GRAMD1B: variants seen among roughly 807,000 people sequenced by gnomAD.
GRAMD1B encodes the protein GRAM domain containing 1B, also known as protein Aster-B.
Under a neutral mutation model 99.7 loss-of-function variants are expected in GRAMD1B, and 37 were observed. That is an observed-to-expected ratio of 0.37 (90% CI 0.29 to 0.49). The LOEUF (loss-of-function observed/expected upper bound fraction) is 0.49, where lower values mean the gene tolerates loss of function less well. Among genes scored for constraint, GRAMD1B ranks in the 20% least tolerant of loss-of-function variants. The probability of loss-of-function intolerance (pLI) is 0.98; values close to 1 mark genes in which losing one functional copy is unlikely to be tolerated. For synonymous variants in GRAMD1B, 427 were observed against 387.6 expected (o/e 1.10, Z -1.19); for missense variants, 888 against 1,009.2 (o/e 0.88, Z 1.63).
chr11:123,411,321 G>T (rs147227484), intron 1 of GRAMD1B, among the ~76,000 whole-genome samples: 1 of 152,136 alleles, frequency 6.6e-6, no homozygotes, highest in East Asian at 1.9e-4. Context: ...TTCTTTAGTA[G>T]GTTATGTGTT....
chr11:123,445,387 A>G (rs747970451), intron 1 of GRAMD1B, among the ~76,000 whole-genome samples: 14 of 152,142 alleles, frequency 9.2e-5, no homozygotes, highest in Non-Finnish European at 1.9e-4. Flanking sequence ...TGGAATGGCA[A>G]CCGTAAAGGT....
upstream of GRAMD1B, among the ~76,000 whole-genome samples, chr11:123,425,484 ATTC>A (rs1948615927): frequency 6.6e-6 from 1 of 152,202 alleles, no homozygotes; most frequent in Non-Finnish European, 1.5e-5. Flanking sequence ...TGTGCAAAAC[ATTC>A]TTCTTTGACG....
intron 2 of GRAMD1B, among the ~76,000 whole-genome samples, chr11:123,490,960 G>A (rs906483808): frequency 1.3e-5 from 2 of 152,190 alleles, no homozygotes; most frequent in Non-Finnish European, 2.9e-5. Context: ...ATCAGTGAAG[G>A]TGGAATGAGA....
At chr11:123,556,749 A>G (rs774530649) in intron 2 of GRAMD1B, among the ~76,000 whole-genome samples, 3 of 152,218 alleles carry the variant, frequency 2.0e-5, no homozygotes, top group Non-Finnish European at 2.9e-5. Flanking sequence ...AAGTGTGGAG[A>G]TTGAGTCCGG....
At chr11:123,412,815 C>T (rs895722012) in intron 1 of GRAMD1B, among the ~76,000 whole-genome samples, 9 of 152,132 alleles carry the variant, frequency 5.9e-5, no homozygotes, top group South Asian at 4.1e-4. Flanking sequence ...GAGTTTTGCT[C>T]TTGTGGCCCA....
intron 1 of GRAMD1B, among the ~76,000 whole-genome samples, chr11:123,466,238 T>C (rs1950650070): frequency 6.7e-6 from 1 of 149,570 alleles, no homozygotes; most frequent in South Asian, 2.1e-4. Context: ...ATTACAGCAC[T>C]GCACTCCAGC....
intron 1 of GRAMD1B, among the ~76,000 whole-genome samples, chr11:123,409,291 A>G (rs958176810): frequency 1.3e-5 from 2 of 152,182 alleles, no homozygotes; most frequent in Non-Finnish European, 2.9e-5. Flanking sequence ...TTTCTCATCT[A>G]CAAAGTAGCA....
chr11:123,480,253 C>T (rs1038140793), intron 1 of GRAMD1B, among the ~76,000 whole-genome samples: 2 of 152,186 alleles, frequency 1.3e-5, no homozygotes, highest in Admixed American at 1.3e-4. Flanking sequence ...CCGCCTCAGC[C>T]TCCCCTGGAG....
In GRAMD1B at chr11:123,613,468, C is replaced by T; in HGVS notation, c.2037C>T (p.Ala679=). The T allele has an allele frequency of 6.2e-7, 1 of 1,610,496 alleles. No homozygotes were observed. Among genetic ancestry groups the T allele is most frequent in the Non-Finnish European group, 8.5e-7 (1 of 1,178,386 alleles). Residue 679 remains alanine, a synonymous_variant, in exon 16 of 20, where the codon GCC becomes GCT. Coordinates refer to ENST00000635736, the MANE Select transcript of GRAMD1B (RefSeq NM_001387025.1). ...TGTCTCTGATAGAGAGCGAGCTGGC[C>T]AAAACGGAGAGCACTTATTTGGCTG... ...DYFRHLESEL[A]KTESTYLAEM...
intron 1 of GRAMD1B, among the ~76,000 whole-genome samples, chr11:123,389,676 G>A (rs1947203592): frequency 6.6e-6 from 1 of 152,012 alleles, no homozygotes; most frequent in South Asian, 2.1e-4. Flanking sequence ...CCATACTAAC[G>A]TGAGATGTTA....
At chr11:123,435,319 A>G in intron 1 of GRAMD1B, 1 of 660,026 alleles carries the variant, frequency 1.5e-6, no homozygotes, top group South Asian at 1.6e-5. Flanking sequence ...GATGTGGTAG[A>G]AGTTAAGTGG....
At chr11:123,588,826 C>T (rs972943320) in intron 4 of GRAMD1B, among the ~76,000 whole-genome samples, 2 of 152,146 alleles carry the variant, frequency 1.3e-5, no homozygotes, top group African/African-American at 4.8e-5. Flanking sequence ...TTTCTTAGCA[C>T]CTGATACAGT....
At chr11:123,501,000 C>T (rs12362253) in intron 2 of GRAMD1B, among the ~76,000 whole-genome samples, 20,335 of 151,876 alleles carry the variant, frequency 0.13, 1,638 homozygotes, top group Middle Eastern at 0.24. Context: ...GGGCATATTG[C>T]GTGCTTAACA....
At chr11:123,589,614 T>TTTTATATATATATATATATATATA (rs762751523) in intron 4 of GRAMD1B, among the ~76,000 whole-genome samples, 21 of 128,250 alleles carry the variant, frequency 1.6e-4, no homozygotes, top group African/African-American at 7.4e-4. Context: ...TGGCTAATTT[T>TTTTATATATATATATATATATATA]TATATATATA....
intron 2 of GRAMD1B, among the ~76,000 whole-genome samples, chr11:123,570,374 C>A (rs1378406678): frequency 4.0e-5 from 6 of 151,672 alleles, no homozygotes; most frequent in African/African-American, 1.5e-4. Flanking sequence ...AAGATATTTA[C>A]TCCACATTTT....
chr11:123,507,466 G>A, intron 2 of GRAMD1B, among the ~76,000 whole-genome samples: 1 of 152,158 alleles, frequency 6.6e-6, no homozygotes, highest in Admixed American at 6.5e-5. Flanking sequence ...AGTGTGGGAT[G>A]GAATAGGAAT....
chr11:123,462,833 AC>A (rs1031178699), intron 1 of GRAMD1B, among the ~76,000 whole-genome samples: 31 of 144,484 alleles, frequency 2.1e-4, no homozygotes, highest in African/African-American at 7.5e-4. Context: ...TTGTCCCATG[AC>A]CCTGCCAAAT....
chr11:123,556,660 A>T (rs1023193337), intron 2 of GRAMD1B, among the ~76,000 whole-genome samples: 1 of 152,242 alleles, frequency 6.6e-6, no homozygotes, highest in African/African-American at 2.4e-5. Context: ...ATTCAGAGAA[A>T]GGTACCCACT....
In GRAMD1B at chr11:123,527,043, A is replaced by G. The variant is rs554214344; in HGVS notation, c.452+46150A>G. Among the ~76,000 whole-genome samples, 197 of 152,276 alleles carry G rather than the reference A, an allele frequency of 1.3e-3. 4 individuals carry two copies. Among genetic ancestry groups the G allele is most frequent in the Non-Finnish European group, 5.0e-4 (34 of 68,028 alleles). On this transcript the variant is annotated intron_variant, in intron 2 of 19. Coordinates refer to ENST00000635736, the MANE Select transcript of GRAMD1B (RefSeq NM_001387025.1). ...TGTGCAGCTGCCTGAGGCCTCCTTC[A>G]GAGGAGAAAGGCTCCTTGGACTGAG...
Sources: allele counts gnomAD v4.1 joint callset (sites outside exome capture counted in the v4.1 genomes callset), GRCh38; gene constraint gnomAD v4.1.1; transcripts MANE v1.5; gene names NCBI Gene and HGNC (gene_info 2026-07-23, HGNC 2026-07-21).